DMXL1: variants seen among roughly 807,000 people sequenced by gnomAD.
The protein encoded by DMXL1 is Dmx like 1, also known as dmX-like protein 1.
In DMXL1, 99 loss-of-function variants were observed where a neutral mutation model predicts 319.2. That is an observed-to-expected ratio of 0.31 (90% CI 0.26 to 0.37). The LOEUF is 0.37. DMXL1 is among the 10% of genes least tolerant of loss of function. The probability of loss-of-function intolerance (pLI) is 1.00; values close to 1 mark genes in which losing one functional copy is unlikely to be tolerated. For synonymous variants in DMXL1, 1,385 were observed against 1,235.2 expected, an observed-to-expected ratio of 1.12 and a Z score of -2.54; for missense variants, 3,745 against 3,595.6, an observed-to-expected ratio of 1.04 and a Z score of -1.06.
At chr5:119,199,626 T>C (rs1192379882) in intron 32 of DMXL1, among the ~76,000 whole-genome samples, 3 of 152,254 alleles carry the variant, frequency 2.0e-5, no homozygotes, top group African/African-American at 7.2e-5. Context: ...TTTTTAGCTC[T>C]TTGAGGAATC....
At chr5:119,191,872 C>A (rs1778757450) in intron 29 of DMXL1, among the ~76,000 whole-genome samples, 1 of 152,198 alleles carries the variant, frequency 6.6e-6, no homozygotes, top group African/African-American at 2.4e-5. Context: ...TACTGTTTTA[C>A]CCAGATCAGA....
At chr5:119,238,918 G>T in intron 40 of DMXL1, 71 bp from the exon 41 acceptor site, 2 of 1,575,628 alleles carry the variant, frequency 1.3e-6, no homozygotes, top group Non-Finnish European at 1.7e-6. Context: ...ATCACTTTTC[G>T]AAGAATACAT....
chr5:119,118,743 G>C, intron 7 of DMXL1, 72 bp from the exon 8 acceptor site: 1 of 1,208,056 alleles, frequency 8.3e-7, no homozygotes, highest in Non-Finnish European at 1.2e-6. Context: ...AGTAATTACA[G>C]AAACATCGTA....
In DMXL1 at chr5:119,149,727, C is replaced by T. The variant is rs142149872; in HGVS notation, c.3900C>T (p.Phe1300=). ...AQKICGKKTA[F]DPSVDMEDSG... is the part of the protein sequence containing the mutation. ...AAATCTGTGGAAAGAAAACTGCATT[C>T]GATCCTTCAGTGGATATGGAAGATT... is the stretch of plus-strand genomic sequence containing the variant. The change falls in exon 18 of 44, where the codon TTC becomes TTT. Residue 1300 remains phenylalanine, a synonymous_variant. Coordinates refer to ENST00000539542, the MANE Select transcript of DMXL1 (RefSeq NM_001290321.3). The T allele has an allele frequency of 1.7e-4, 280 of 1,613,986 alleles. 2 individuals are homozygous for T. The East Asian group carries it at 4.3e-3, about 25-fold the overall frequency.
intron 31 of DMXL1, 55 bp from the exon 32 acceptor site, chr5:119,197,700 T>C: frequency 6.6e-7 from 1 of 1,523,138 alleles, no homozygotes; most frequent in Non-Finnish European, 9.1e-7. Flanking sequence ...TTTCTTAAAA[T>C]TGAATATGGC....
In DMXL1 at chr5:119,118,891, A is replaced by G. The variant is rs1336385422; in HGVS notation, c.820A>G (p.Asn274Asp). The change falls in exon 8 of 44, where the codon AAT (asparagine) becomes GAT (aspartate). Residue 274 changes from asparagine to aspartate, a missense_variant. Asn to Asp is a conservative substitution (Grantham distance 23, BLOSUM62 1). Around this residue, in one of 4 missense-constraint regions of DMXL1, gnomAD observed 2,096 missense variants for 1,985.4 expected, o/e 1.06. Transcript: ENST00000539542. ...TCTTTGGGTAGAGACATTTTTACCA[A>G]ATGATTGTTTGCTATACGGAGGTGA... ...CRLWVETFLP[N>D]DCLLYGGDCS... 1 of 1,614,032 alleles carries G rather than the reference A, an allele frequency of 6.2e-7. No individual in the cohort carries two copies.
intron 9 of DMXL1, among the ~76,000 whole-genome samples, chr5:119,123,209 A>T (rs978373994): frequency 6.6e-6 from 1 of 151,918 alleles, no homozygotes; most frequent in African/African-American, 2.4e-5. Flanking sequence ...AGGCTGAGGC[A>T]GGAGAATCAG....
intron 1 of DMXL1, among the ~76,000 whole-genome samples, chr5:119,086,719 C>G (rs928471065): frequency 1.3e-5 from 2 of 151,916 alleles, no homozygotes; most frequent in Admixed American, 6.6e-5. Context: ...GCTTCCATCT[C>G]ATTACTCATT....
intron 35 of DMXL1, among the ~76,000 whole-genome samples, chr5:119,219,580 T>A (rs1428941099): frequency 6.6e-6 from 1 of 152,034 alleles, no homozygotes; most frequent in Non-Finnish European, 1.5e-5. Flanking sequence ...TTTATTTATT[T>A]ATTTATTTAT....
intron 35 of DMXL1, among the ~76,000 whole-genome samples, chr5:119,220,261 A>G (rs974452321): frequency 6.6e-6 from 1 of 152,184 alleles, no homozygotes; most frequent in African/African-American, 2.4e-5. Flanking sequence ...ATTGCCATTT[A>G]TACTGGCTTT....
intron 26 of DMXL1, among the ~76,000 whole-genome samples, chr5:119,175,769 T>G (rs1226885500): frequency 6.6e-6 from 1 of 152,096 alleles, no homozygotes; most frequent in East Asian, 1.9e-4. Context: ...TAACTTGGAA[T>G]TGAGAAAAAT....
chr5:119,117,632 A>C (rs1761132708), intron 7 of DMXL1, among the ~76,000 whole-genome samples: 1 of 152,004 alleles, frequency 6.6e-6, no homozygotes, highest in African/African-American at 2.4e-5. Flanking sequence ...TGGCCTGGAA[A>C]GGCTGTGAAA....
intron 19 of DMXL1, among the ~76,000 whole-genome samples, chr5:119,162,679 A>G (rs1429985793): frequency 1.3e-5 from 2 of 152,260 alleles, no homozygotes; most frequent in African/African-American, 4.8e-5. Flanking sequence ...TATGCAAATC[A>G]TAGCAAGGAA....
chr5:119,117,965 C>A (rs1238827420), intron 7 of DMXL1, among the ~76,000 whole-genome samples: 3 of 152,214 alleles, frequency 2.0e-5, no homozygotes, highest in Non-Finnish European at 4.4e-5. Flanking sequence ...GAACAAGTTA[C>A]TACTACAAAA....
At chr5:119,098,363 G>C (rs1383940616) in intron 2 of DMXL1, among the ~76,000 whole-genome samples, 1 of 152,046 alleles carries the variant, frequency 6.6e-6, no homozygotes, top group Non-Finnish European at 1.5e-5. Context: ...TAAAGCTTAC[G>C]TATTTAAAAG....
intron 21 of DMXL1, among the ~76,000 whole-genome samples, chr5:119,165,677 G>C (rs998319076): frequency 6.6e-6 from 1 of 152,198 alleles, no homozygotes; most frequent in African/African-American, 2.4e-5. Flanking sequence ...TCACAATCAT[G>C]GCACAAGGTG....
At chr5:119,220,241 T>C (rs1304609596) in intron 35 of DMXL1, among the ~76,000 whole-genome samples, 1 of 152,174 alleles carries the variant, frequency 6.6e-6, no homozygotes, top group African/African-American at 2.4e-5. Context: ...GGAAATAAAA[T>C]GCTGCATGTA....
intron 1 of DMXL1, among the ~76,000 whole-genome samples, chr5:119,086,020 C>G (rs1753277269): frequency 6.6e-6 from 1 of 152,098 alleles, no homozygotes; most frequent in South Asian, 2.1e-4. Flanking sequence ...TCTCTTCATG[C>G]TGCTGATAAA....
At chr5:119,203,791 T>C (rs1044077787) in intron 33 of DMXL1, among the ~76,000 whole-genome samples, 3 of 152,104 alleles carry the variant, frequency 2.0e-5, no homozygotes, top group Non-Finnish European at 4.4e-5. Flanking sequence ...AGAAGTTTAA[T>C]TGTATACTGA....
Sources: allele counts gnomAD v4.1 joint callset (sites outside exome capture counted in the v4.1 genomes callset), GRCh38; gene constraint gnomAD v4.1.1; regional missense constraint gnomAD v4.1.1; transcripts MANE v1.5; gene names NCBI Gene and HGNC (gene_info 2026-07-23, HGNC 2026-07-21).